Variants in VAV1 observed in about 807,000 individuals in gnomAD.
VAV1 encodes vav guanine nucleotide exchange factor 1.
In VAV1, 33 loss-of-function variants were observed where a neutral mutation model predicts 128.1. The observed-to-expected ratio is 0.26, with a 90% CI of 0.20 to 0.34. The LOEUF is 0.34. Among genes scored for constraint, VAV1 ranks in the 10% least tolerant of loss-of-function variants. The pLI is 1.00. For synonymous variants in VAV1, 394 were observed against 409.8 expected (o/e 0.96, Z 0.47); for missense variants, 715 against 1,093.7 (o/e 0.65, Z 4.88).
At chr19:6,799,373 T>C (rs150055151) in intron 1 of VAV1, among the ~76,000 whole-genome samples, 88 of 152,260 alleles carry the variant, frequency 5.8e-4, no homozygotes, top group African/African-American at 2.1e-3. Context: ...TTTCACCATG[T>C]TGACCAGGCT....
Position 6,826,563 on chromosome 19 carries a change from G to A in VAV1, c.828-49G>A, listed in dbSNP as rs1599659859. 2 of 1,451,972 alleles carry A rather than the reference G, an allele frequency of 1.4e-6. No homozygotes were observed. Among genetic ancestry groups the A allele is most frequent in the Non-Finnish European group, 9.4e-7 (1 of 1,059,532 alleles). 89.9% of individuals were successfully genotyped at this position (1,451,972 alleles called of 1,614,324 possible). ...CCAGGGCTGACGCCAGCCTCTGCCCGACCTTGATGCCAGTCACCTTTACCT... is the reference window on the plus strand; with the variant it reads ...CCAGGGCTGACGCCAGCCTCTGCCCAACCTTGATGCCAGTCACCTTTACCT... On this transcript the variant is annotated intron_variant, in intron 8 of 26. Coordinates refer to ENST00000602142, the MANE Select transcript of VAV1 (RefSeq NM_005428.4). This position sits in a 1 kb window ranked among gnomAD's most constrained non-coding sequence, Gnocchi z 4.1.
intron 21 of VAV1, among the ~76,000 whole-genome samples, chr19:6,842,095 A>G (rs529607607): frequency 6.6e-6 from 1 of 152,066 alleles, no homozygotes; most frequent in South Asian, 2.1e-4. Flanking sequence ...GCGTGGTGAC[A>G]CACACCTGTA....
rs138939156 is a variant in VAV1, at chr19:6,847,333, G to A, written c.2013-665G>A. Among the ~76,000 whole-genome samples the A allele has an allele frequency of 7.9e-3, 1,201 of 151,914 alleles. 16 individuals carry two copies. Among genetic ancestry groups the A allele is most frequent in the African/African-American group, 0.027 (1,132 of 41,446 alleles). On this transcript the variant is annotated intron_variant, in intron 22 of 26. Coordinates refer to ENST00000602142, the MANE Select transcript of VAV1 (RefSeq NM_005428.4). ...GTTGCTCCTGCCTCCCGCAGCCCCC[G>A]GGAACCAAGGGTCTCCTTCCTGTCT...
rs186103837 is a variant in VAV1, at chr19:6,817,937, C to T, written c.205-2765C>T. Among the ~76,000 whole-genome samples, 996 of 152,284 alleles carry T rather than the reference C, an allele frequency of 6.5e-3. 5 individuals are homozygous for T. Among genetic ancestry groups the T allele is most frequent in the African/African-American group, 0.019 (781 of 41,534 alleles). On this transcript the variant is annotated intron_variant, in intron 1 of 26. Coordinates refer to ENST00000602142, the MANE Select transcript of VAV1 (RefSeq NM_005428.4). ...TCCTGACCTCGTGATCCGCCCGCCTCGGCCTCCCAAAGTGCTGGGATTACA... is the reference window on the plus strand; with the variant it reads ...TCCTGACCTCGTGATCCGCCCGCCTTGGCCTCCCAAAGTGCTGGGATTACA...
chr19:6,817,382 T>A (rs1971679786), intron 1 of VAV1, among the ~76,000 whole-genome samples: 1 of 151,960 alleles, frequency 6.6e-6, no homozygotes, highest in South Asian at 2.1e-4. Flanking sequence ...CAAATATTGT[T>A]ATGGTAGGGG....
chr19:6,825,811 G>A (rs1010549171), intron 8 of VAV1, among the ~76,000 whole-genome samples: 3 of 151,988 alleles, frequency 2.0e-5, no homozygotes, highest in Middle Eastern at 3.2e-3. Flanking sequence ...GATCATTTAA[G>A]GTGAGGAGTT....
At chr19:6,847,926 A>AATATGGGG in intron 22 of VAV1, 72 bp from the exon 23 acceptor site, 2 of 1,349,130 alleles carry the variant, frequency 1.5e-6, no homozygotes, top group Non-Finnish European at 2.0e-6. Flanking sequence ...GGGGAAAGGC[A>AATATGGGG]ACCTCCATAT....
At chr19:6,810,204 G>T (rs1971486096) in intron 1 of VAV1, among the ~76,000 whole-genome samples, 1 of 151,990 alleles carries the variant, frequency 6.6e-6, no homozygotes, top group African/African-American at 2.4e-5. Context: ...AGCCAGGTGT[G>T]GTGGTGCATG....
chr19:6,821,545 G>A (rs550075674), intron 2 of VAV1, 77 bp from the exon 3 acceptor site: 2 of 1,571,920 alleles, frequency 1.3e-6, no homozygotes, highest in South Asian at 2.2e-5. Context: ...GCCTCAGACA[G>A]AGCCTTGCAG....
chr19:6,775,063 G>A (rs1384540643), intron 1 of VAV1, among the ~76,000 whole-genome samples: 1 of 152,042 alleles, frequency 6.6e-6, no homozygotes, highest in Non-Finnish European at 1.5e-5. Flanking sequence ...ACCATGCCCG[G>A]CCCTTCTGTT....
intron 1 of VAV1, among the ~76,000 whole-genome samples, chr19:6,790,108 G>T (rs900961203): frequency 2.6e-5 from 4 of 152,192 alleles, no homozygotes; most frequent in Admixed American, 2.6e-4. Context: ...AGCCCAGGAG[G>T]TGGAGGTTGC....
chr19:6,848,315 G>C (rs749665885), intron 23 of VAV1, among the ~76,000 whole-genome samples: 4 of 152,064 alleles, frequency 2.6e-5, no homozygotes, highest in Non-Finnish European at 5.9e-5. Flanking sequence ...GATTCCTATA[G>C]AGGCTCAAAA....
At chr19:6,827,781 G>A (rs1971954895) in intron 9 of VAV1, among the ~76,000 whole-genome samples, 1 of 142,018 alleles carries the variant, frequency 7.0e-6, no homozygotes, top group Non-Finnish European at 1.5e-5. Context: ...TTTTTTCATA[G>A]CAGAGACGGG....
intron 1 of VAV1, among the ~76,000 whole-genome samples, chr19:6,798,192 G>A (rs1484608992): frequency 6.6e-6 from 1 of 151,974 alleles, no homozygotes; most frequent in African/African-American, 2.4e-5. Context: ...CAGGAGAATC[G>A]CTTGAACCTG....
At chr19:6,832,506 CT>C (rs577609734) in intron 15 of VAV1, among the ~76,000 whole-genome samples, 67 of 137,514 alleles carry the variant, frequency 4.9e-4, no homozygotes, top group African/African-American at 1.3e-3. Context: ...TCTCCTTCTC[CT>C]TTCCTCCTCC....
intron 1 of VAV1, among the ~76,000 whole-genome samples, chr19:6,804,021 A>G (rs1016723030): frequency 2.6e-5 from 4 of 152,280 alleles, no homozygotes; most frequent in South Asian, 2.1e-4. Context: ...TGTTTCAGAA[A>G]AGGCAAAACT....
chr19:6,800,945 G>A (rs1201515279), intron 1 of VAV1, among the ~76,000 whole-genome samples: 5 of 152,086 alleles, frequency 3.3e-5, no homozygotes, highest in African/African-American at 1.2e-4. Context: ...TCTCTTTGTC[G>A]CCTGCATGGC....
rs1191328088 is a variant in VAV1, at chr19:6,777,743, G to C, written c.204+4732G>C. 6.6e-6 allele frequency among the ~76,000 whole-genome samples: 1 copy of C among 152,150 alleles called. No individual in the cohort carries two copies. Among genetic ancestry groups the C allele is most frequent in the Non-Finnish European group, 1.5e-5 (1 of 68,018 alleles). ...CCCCTTGAGATCTGAGGCCCAGGGA[G>C]AGAATGATACCATCATGAGAAGCCA... On this transcript the variant is annotated intron_variant, in intron 1 of 26. Coordinates refer to ENST00000602142, the MANE Select transcript of VAV1 (RefSeq NM_005428.4). The surrounding 1 kb of genome is among the most constrained non-coding windows in gnomAD (Gnocchi z 4.4).
chr19:6,849,093 T>A (rs80325452), intron 23 of VAV1, among the ~76,000 whole-genome samples: 1,576 of 89,806 alleles, frequency 0.018, 22 homozygotes, highest in African/African-American at 0.093. Flanking sequence ...ACCTATATAT[T>A]TTTTTTTTCA....
Sources: gnomAD v4.1 joint callset for allele counts (sites outside exome capture counted in the v4.1 genomes callset) on GRCh38, gnomAD v4.1.1 for gene constraint, Gnocchi (gnomAD v3.1) non-coding constraint, MANE v1.5 for transcripts, NCBI Gene and HGNC (gene_info 2026-07-23, HGNC 2026-07-21) for gene names.